The following PARP1 variants were observed in gnomAD, a reference collection of about 807,000 sequenced individuals.
The protein encoded by PARP1 is poly [ADP-ribose] polymerase 1.
Under a neutral mutation model 118.7 loss-of-function variants are expected in PARP1, and 44 were observed. The observed-to-expected ratio is 0.37, with a 90% CI of 0.29 to 0.48. The LOEUF (loss-of-function observed/expected upper bound fraction) is 0.48, where lower values mean the gene tolerates loss of function less well. PARP1 is among the 20% of genes least tolerant of loss of function. The pLI is 0.99. For missense variants in PARP1, 1,100 were observed against 1,272.4 expected, an observed-to-expected ratio of 0.86 and a Z score of 2.06; for synonymous variants, 492 against 483.2, an observed-to-expected ratio of 1.02 and a Z score of -0.24.
chr1:226,389,107 C>T (rs1229811682), intron 4 of PARP1, among the ~76,000 whole-genome samples: 2 of 152,032 alleles, frequency 1.3e-5, no homozygotes, highest in African/African-American at 2.4e-5. Context: ...ATCTCCTGGC[C>T]TGGAAGGTTC....
In PARP1 at chr1:226,374,492, G is replaced by A. The variant is rs2102732529; in HGVS notation, c.1942-138C>T. 8 of 978,006 alleles carry A rather than the reference G, an allele frequency of 8.2e-6. No individual in the cohort carries two copies. The South Asian group carries it at 1.1e-4, about 13-fold the overall frequency. The allele number at this position is 978,006 out of a possible 1,614,324, so 60.6% of individuals were successfully genotyped here. A position where few individuals can be genotyped will look rare whatever the true frequency, so the allele number is the denominator to read the frequency against. On this transcript the variant is annotated intron_variant, in intron 13 of 22. Coordinates refer to ENST00000366794, the MANE Select transcript of PARP1 (RefSeq NM_001618.4). ...AAAAAAGCTGAGTGTTAATCAAAAA[G>A]GTGTGGAAAACAGTGGCCAGGATGA...
chr1:226,402,915 G>C (rs751829402), intron 1 of PARP1, among the ~76,000 whole-genome samples: 38 of 152,240 alleles, frequency 2.5e-4, no homozygotes, highest in Middle Eastern at 3.2e-3. Flanking sequence ...GAGCAAAGCA[G>C]AGAAAGTGTG....
chr1:226,397,931 C>T (rs899757037), intron 2 of PARP1, among the ~76,000 whole-genome samples: 1 of 148,182 alleles, frequency 6.7e-6, no homozygotes, highest in East Asian at 2.0e-4. Context: ...TTTCAACAAA[C>T]GGAGCTGTAA....
intron 8 of PARP1, among the ~76,000 whole-genome samples, chr1:226,382,416 T>G (rs1338365201): frequency 1.3e-5 from 2 of 152,206 alleles, no homozygotes; most frequent in African/African-American, 4.8e-5. Context: ...TCCTCTGCAG[T>G]GCAGTCAGGC....
At chr1:226,368,444 G>A in intron 15 of PARP1, 123 bp from the exon 16 acceptor site, 8 of 1,208,258 alleles carry the variant, frequency 6.6e-6, no homozygotes, top group Non-Finnish European at 9.6e-6. Context: ...ATGTGCACAT[G>A]CCAGGACACA....
chr1:226,401,758 A>G (rs893199153), intron 2 of PARP1, among the ~76,000 whole-genome samples: 1 of 152,174 alleles, frequency 6.6e-6, no homozygotes, highest in Non-Finnish European at 1.5e-5. Context: ...GCATGTCATC[A>G]TACATTTGTC....
intron 20 of PARP1, 152 bp downstream of exon 20, chr1:226,363,791 G>C (rs1370514774): frequency 7.3e-6 from 6 of 822,880 alleles, no homozygotes; most frequent in Non-Finnish European, 1.2e-5. Flanking sequence ...ACTTGAATTG[G>C]ATTCTGCTAC....
At position 226,402,324 on chromosome 1, in the gene PARP1, T is replaced by C. The variant is rs1665053768; in HGVS notation, c.176A>G (p.Lys59Arg). The change falls in exon 2 of 23, where the codon AAG (lysine) becomes AGG (arginine). Residue 59 changes from lysine (K) to arginine (R), a missense_variant. This residue lies in a region of PARP1 where 948 missense variants were observed against 1,031.8 expected (regional missense o/e 0.92). Coordinates refer to ENST00000366794, the MANE Select transcript of PARP1 (RefSeq NM_001618.4). ...PHWYHFSCFW[K>R]VGHSIRHPDV... ...AGGGTGCCGGATGGAGTGGCCCACC[T>C]TCCAGAAGCAGGAGAAGTGGTACCA... The C allele has an allele frequency of 6.2e-7, 1 of 1,613,910 alleles. No homozygotes were observed. The highest frequency in any genetic ancestry group is 1.3e-5 in the African/African-American group (1 of 74,942).
At chr1:226,393,027 T>C (rs1664848872) in intron 2 of PARP1, 3 of 1,495,686 alleles carry the variant, frequency 2.0e-6, no homozygotes, top group Non-Finnish European at 2.7e-6. Context: ...GGTGTAAGTT[T>C]GGAAAATAGT....
chr1:226,390,757 A>C, intron 3 of PARP1, 133 bp from the exon 4 acceptor site: 2 of 789,876 alleles, frequency 2.5e-6, no homozygotes, highest in Non-Finnish European at 4.3e-6. Flanking sequence ...TTGAAGACTC[A>C]TGAGCTTTTG....
chr1:226,379,345 C>A (rs564514451), intron 11 of PARP1, 71 bp from the exon 12 acceptor site: 1 of 1,594,230 alleles, frequency 6.3e-7, no homozygotes, highest in Non-Finnish European at 8.6e-7. Context: ...GAGAAGGGAT[C>A]TGCAGGCCTG....
Position 226,362,044 on chromosome 1 carries a change from C to T in PARP1, c.2888G>A (p.Ser963Asn), listed in dbSNP as rs767540769. 1 of 1,613,944 alleles carries T rather than the reference C, an allele frequency of 6.2e-7. No individual in the cohort carries two copies. Among genetic ancestry groups the T allele is most frequent in the Non-Finnish European group, 8.5e-7 (1 of 1,179,774 alleles). ...AAGAGGAACGTCTACACCATCCAGA[C>T]TAATGTTAGCTGAAGGATCAGGGGT... ...KTTPDPSANI[S>N]LDGVDVPLGT... Residue 963 changes from serine (S) to asparagine (N), a missense_variant, in exon 22 of 23, where the codon AGT (serine) becomes AAT (asparagine). By Grantham distance (46) the Ser-to-Asn change is conservative. Coordinates refer to ENST00000366794, the MANE Select transcript of PARP1 (RefSeq NM_001618.4).
chr1:226,399,565 A>G (rs573770395), intron 2 of PARP1, among the ~76,000 whole-genome samples: 1 of 152,332 alleles, frequency 6.6e-6, no homozygotes, highest in African/African-American at 2.4e-5. Flanking sequence ...CAGGCAGTGA[A>G]AGGACTCTGG....
At chr1:226,394,230 G>A (rs1157843487) in intron 2 of PARP1, among the ~76,000 whole-genome samples, 3 of 152,154 alleles carry the variant, frequency 2.0e-5, no homozygotes, top group African/African-American at 4.8e-5. Flanking sequence ...GGTGGCGCAC[G>A]CCTGTACTCC....
intron 16 of PARP1, 119 bp from the exon 17 acceptor site, chr1:226,367,727 C>T: frequency 8.4e-7 from 1 of 1,189,304 alleles, no homozygotes; most frequent in Non-Finnish European, 1.2e-6. Flanking sequence ...GCAAACCCTC[C>T]TGCTGGTCAG....
chr1:226,381,458 G>A lies in PARP1; in HGVS notation c.1160-250C>T, dbSNP rs112573274. 2.2e-3 allele frequency among the ~76,000 whole-genome samples: 341 copies of A among 152,356 alleles called. 1 individual carries two copies. Among genetic ancestry groups the A allele is most frequent in the African/African-American group, 7.6e-3 (314 of 41,584 alleles). On this transcript the variant is annotated intron_variant, in intron 8 of 22. Transcript: ENST00000366794. The stretch of plus-strand genomic sequence containing the variant: ...CATGGCCAGGCCAGCCTCGCGGCGT[G>A]AGCCAGGCAGCTGCGGGTTACCCCA...
At chr1:226,398,780 C>A (rs965989729) in intron 2 of PARP1, among the ~76,000 whole-genome samples, 1 of 152,178 alleles carries the variant, frequency 6.6e-6, no homozygotes, top group African/African-American at 2.4e-5. Context: ...GAAAATGATT[C>A]AGCTTTTTGA....
At chr1:226,374,654 C>A (rs567225994) in intron 13 of PARP1, among the ~76,000 whole-genome samples, 29 of 152,338 alleles carry the variant, frequency 1.9e-4, no homozygotes, top group African/African-American at 6.0e-4. Flanking sequence ...TGGTCCCTGC[C>A]TGGGAACCTG....
At position 226,390,405 on chromosome 1, in the gene PARP1, C is replaced by G; in HGVS notation, c.617+5G>C. ...CCCAGGGCAACCCCGCAGTGCTCCACCCACCCTTCACTCTTGACTCCTGGG... is the reference window on the plus strand; with the variant it reads ...CCCAGGGCAACCCCGCAGTGCTCCAGCCACCCTTCACTCTTGACTCCTGGG... On this transcript the variant is annotated splice_donor_5th_base_variant and intron_variant, in intron 4 of 22. Transcript: ENST00000366794. The G allele has an allele frequency of 6.2e-7, 1 of 1,613,042 alleles. No individual in the cohort carries two copies. The highest frequency in any genetic ancestry group is 1.1e-5 in the South Asian group (1 of 91,048).
Sources: gnomAD v4.1 joint callset for allele counts (sites outside exome capture counted in the v4.1 genomes callset) on GRCh38, gnomAD v4.1.1 for gene constraint, gnomAD v4.1.1 regional missense constraint, MANE v1.5 for transcripts, NCBI Gene and HGNC (gene_info 2026-07-23, HGNC 2026-07-21) for gene names.